The following FDXACB1 variants were observed in gnomAD, a reference collection of about 807,000 sequenced individuals.
FDXACB1 encodes ferredoxin-fold anticodon-binding domain-containing protein 1.
In FDXACB1, 41 loss-of-function variants were observed where a neutral mutation model predicts 51.7. That is an observed-to-expected ratio of 0.79 (90% CI 0.62 to 1.03). The LOEUF is 1.03. FDXACB1 is among the 50% of genes least tolerant of loss of function. FDXACB1 has a pLI of 0.00. For synonymous variants in FDXACB1, 273 were observed against 278.6 expected (o/e 0.98, Z 0.20); for missense variants, 697 against 746.4 (o/e 0.93, Z 0.77).
chr11:111,879,124 A>G lies in FDXACB1; in HGVS notation c.9T>C (p.Pro3=). The G allele has an allele frequency of 6.2e-7, 1 of 1,610,116 alleles. No individual in the cohort carries two copies. Among genetic ancestry groups the G allele is most frequent in the East Asian group, 2.2e-5 (1 of 44,668 alleles). MA[P]RRLLLVGEGN... ...CCTCCCCAACCAACAGGAGGCGCCG[A>G]GGGGCCATGGCCTCCACGGACTCCC... The change falls in exon 1 of 5, where the codon CCT becomes CCC. Residue 3 remains proline (P), a synonymous_variant. Transcript: ENST00000260257.
intron 2 of FDXACB1, among the ~76,000 whole-genome samples, chr11:111,877,674 G>A (rs774379134): frequency 6.6e-6 from 1 of 151,478 alleles, no homozygotes; most frequent in African/African-American, 2.4e-5. Flanking sequence ...GTGCCAGCAC[G>A]GCCAGCTAAT....
Position 111,874,705 on chromosome 11 carries a change from A to C in FDXACB1, c.*217T>G, listed in dbSNP as rs917979681. On this transcript the variant is annotated 3_prime_UTR_variant, in exon 5 of 5. Transcript: ENST00000260257. ...GGGAGGTGGAGCTTATAGTGAGCTG[A>C]TATCATGCCACTGCCACTGCACTCC... 5.7e-6 allele frequency: 3 copies of C among 530,238 alleles called. No individual in the cohort carries two copies. The highest frequency in any genetic ancestry group is 6.6e-5 in the East Asian group (2 of 30,246). 32.8% of individuals were successfully genotyped at this position (530,238 alleles called of 1,614,324 possible). A position where few individuals can be genotyped will look rare whatever the true frequency, so the allele number is the denominator to read the frequency against.
intron 3 of FDXACB1, 82 bp downstream of exon 3, chr11:111,876,726 T>C: frequency 1.3e-6 from 2 of 1,584,878 alleles, no homozygotes; most frequent in East Asian, 2.2e-5. Context: ...TGGCAGGGCC[T>C]ATTGAGTCTG....
intron 4 of FDXACB1, 21 bp downstream of exon 4, chr11:111,876,460 T>C: frequency 6.2e-7 from 1 of 1,608,594 alleles, no homozygotes; most frequent in Non-Finnish European, 8.5e-7. Flanking sequence ...GGAAGTGATT[T>C]CCAGCAAAAT....
Position 111,878,576 on chromosome 11 carries a change from C to A in FDXACB1, c.309G>T (p.Leu103=). 6.3e-7 allele frequency: 1 copy of A among 1,595,838 alleles called. No homozygotes were observed. The highest frequency in any genetic ancestry group is 8.5e-7 in the Non-Finnish European group (1 of 1,170,940). The change falls in exon 2 of 5, where the codon CTG becomes CTT. Residue 103 remains leucine, a synonymous_variant. Coordinates refer to ENST00000260257, the MANE Select transcript of FDXACB1 (RefSeq NM_138378.3). ...CTCACCTTTGGAAAAATTTGGCAAG[C>A]AGTTCCCTGTTCTTAGCTACGCCAG... ...RKAGVAKNRE[L]LAKFFQSCAD... is the part of the protein sequence containing the mutation.
chr11:111,878,424 G>T lies in FDXACB1; in HGVS notation c.329+132C>A, dbSNP rs953891186. 4.8e-5 allele frequency: 44 copies of T among 924,968 alleles called. No individual in the cohort carries two copies. In the African/African-American group the frequency reaches 6.4e-4, roughly 13 times the overall value. The allele number at this position is 924,968 out of a possible 1,614,324, so 57.3% of individuals were successfully genotyped here. ...ATATCTGTCTTTCCAACTAAACTTGGGGTTCCTTTGGGGCTTTATAGTCTC... is the reference window on the plus strand; with the variant it reads ...ATATCTGTCTTTCCAACTAAACTTGTGGTTCCTTTGGGGCTTTATAGTCTC... On this transcript the variant is annotated intron_variant, in intron 2 of 4. Coordinates refer to ENST00000260257, the MANE Select transcript of FDXACB1 (RefSeq NM_138378.3).
chr11:111,875,788 C>T lies in FDXACB1; in HGVS notation c.1009G>A (p.Glu337Lys), dbSNP rs1555162040. The T allele has an allele frequency of 2.5e-6, 4 of 1,613,618 alleles. No individual in the cohort carries two copies. Among genetic ancestry groups the T allele is most frequent in the African/African-American group, 1.3e-5 (1 of 74,868 alleles). The change falls in exon 5 of 5, where the codon GAA becomes AAA. Residue 337 changes from glutamate to lysine, a missense_variant. By Grantham distance (56) the Glu-to-Lys change is moderately conservative. Around this residue, in one of 3 missense-constraint regions of FDXACB1, gnomAD observed 538 missense variants for 592.2 expected, o/e 0.91. Transcript: ENST00000260257. ...ATCTTGGCCTGGCCACAGGTTCCTTCACAAGCTTCTTCTTTACCATCTCTT... is the reference window on the plus strand; with the variant it reads ...ATCTTGGCCTGGCCACAGGTTCCTTTACAAGCTTCTTCTTTACCATCTCTT... ...PGRDGKEEAC[E>K]GTCGQAKICL...
chr11:111,878,779 A>T (rs1964879009), intron 1 of FDXACB1, 67 bp from the exon 2 acceptor site: 1 of 1,538,242 alleles, frequency 6.5e-7, no homozygotes, highest in Non-Finnish European at 8.8e-7. Context: ...GAACAGAAAA[A>T]CTCTTCCTAA....
Position 111,876,119 on chromosome 11 carries a change from AC to A in FDXACB1, c.693-16del. 1 of 1,557,122 alleles carries A rather than the reference AC, an allele frequency of 6.4e-7. No homozygotes were observed. Among genetic ancestry groups the A allele is most frequent in the East Asian group, 2.3e-5 (1 of 44,350 alleles). ...CCAGGAAACCCCTGTTTAAACACAC[AC>A]AAAAATAACTTTTCTAACTTAAGAT... On this transcript the variant is annotated splice_polypyrimidine_tract_variant and intron_variant, in intron 4 of 4. Coordinates refer to ENST00000260257, the MANE Select transcript of FDXACB1 (RefSeq NM_138378.3).
Position 111,876,917 on chromosome 11 carries a change from G to A in FDXACB1, c.424C>T (p.His142Tyr), listed in dbSNP as rs1555162255. Residue 142 changes from histidine (H) to tyrosine (Y), a missense_variant, in exon 3 of 5, where the codon CAC (histidine) becomes TAC (tyrosine). Transcript: ENST00000260257. ...ATGGCAACCACTTGCCAACTGTTGTGCCATTCTCTCTGGGGCTTATCCGCA... is the reference window on the plus strand; with the variant it reads ...ATGGCAACCACTTGCCAACTGTTGTACCATTCTCTCTGGGGCTTATCCGCA... ...TPADKPQREW[H>Y]NSWQVVAMAA... The A allele has an allele frequency of 6.2e-7, 1 of 1,612,572 alleles. No homozygotes were observed. Among genetic ancestry groups the A allele is most frequent in the Non-Finnish European group, 8.5e-7 (1 of 1,179,246 alleles).
rs1555162032 is a variant in FDXACB1, at chr11:111,875,738, C to G, written c.1059G>C (p.Val353=). ...GTACTTCGATGACATCCTGAACATGCACTAGGAGAGAAGGTCTAAGGCAGA... is the reference window on the plus strand; with the variant it reads ...GTACTTCGATGACATCCTGAACATGGACTAGGAGAGAAGGTCTAAGGCAGA... ...AKICLRPSLL[V]HVQDVIEVPD... Residue 353 remains valine, a synonymous_variant, in exon 5 of 5, where the codon GTG becomes GTC. Coordinates refer to ENST00000260257, the MANE Select transcript of FDXACB1 (RefSeq NM_138378.3). 3 of 1,613,598 alleles carry G rather than the reference C, an allele frequency of 1.9e-6. No homozygotes were observed.
Position 111,876,539 on chromosome 11 carries a change from G to A in FDXACB1, c.634C>T (p.Leu212=). The part of the protein sequence containing the change: ...GSQPRIFRIK[L]GNQWFSFPEP... ...GGAAAGGAAAACCACTGGTTACCCA[G>A]TTTGATCCTGAAGATTCTGGGTTGA... The change falls in exon 4 of 5, where the codon CTG becomes TTG. Residue 212 remains leucine (L), a synonymous_variant. Coordinates refer to ENST00000260257, the MANE Select transcript of FDXACB1 (RefSeq NM_138378.3). 6.2e-7 allele frequency: 1 copy of A among 1,614,024 alleles called. No individual in the cohort carries two copies. Among genetic ancestry groups the A allele is most frequent in the South Asian group, 1.1e-5 (1 of 91,086 alleles).
At position 111,875,678 on chromosome 11, in the gene FDXACB1, A is replaced by G; in HGVS notation, c.1119T>C (p.Ser373=). ...TGTGGCACTTCTGAAAGACAGGTCC[A>G]CTGAGGATGTGCAGAGAACCTGAGA... ...DFLSGSLHIL[S]GPVFQKCHIL... The change falls in exon 5 of 5, where the codon AGT becomes AGC. Residue 373 remains serine, a synonymous_variant. Coordinates refer to ENST00000260257, the MANE Select transcript of FDXACB1 (RefSeq NM_138378.3). 1 of 1,613,650 alleles carries G rather than the reference A, an allele frequency of 6.2e-7. No homozygotes were observed.
Position 111,875,112 on chromosome 11 carries a change from A to G in FDXACB1, c.1685T>C (p.Val562Ala). The change falls in exon 5 of 5, where the codon GTG becomes GCG. Residue 562 changes from valine to alanine, a missense_variant. Val to Ala is a moderately conservative substitution (Grantham distance 64). Coordinates refer to ENST00000260257, the MANE Select transcript of FDXACB1 (RefSeq NM_138378.3). ...TATGGATATAATAGTGTCCTGAGAC[A>G]CTGCTCGGGCCACAGTGTGAAACTC... ...ELEFHTVARAVSQDTIISIQF... is the reference protein window; with the variant it reads ...ELEFHTVARAASQDTIISIQF... 6.2e-7 allele frequency: 1 copy of G among 1,613,926 alleles called. No homozygotes were observed. The highest frequency in any genetic ancestry group is 8.5e-7 in the Non-Finnish European group (1 of 1,179,896).
Position 111,874,999 on chromosome 11 carries a change from T to C in FDXACB1, c.1798A>G (p.Thr600Ala). 1 of 1,613,894 alleles carries C rather than the reference T, an allele frequency of 6.2e-7. No homozygotes were observed. The highest frequency in any genetic ancestry group is 1.1e-5 in the South Asian group (1 of 91,078). ...TGCATTGATGCTACTTGCTGCTGGG[T>C]GAGGGCCTTGTCACAGGTCTGGTAG... ...LTYQTCDKAL[T>A]QQQVASMQSQ... The change falls in exon 5 of 5, where the codon ACC becomes GCC. Residue 600 changes from threonine (T) to alanine (A), a missense_variant. Thr to Ala is a moderately conservative substitution (Grantham distance 58, BLOSUM62 0). Around this residue, in one of 3 missense-constraint regions of FDXACB1, gnomAD observed 538 missense variants for 592.2 expected, o/e 0.91. Transcript: ENST00000260257.
Position 111,875,601 on chromosome 11 carries a change from A to G in FDXACB1, c.1196T>C (p.Val399Ala). The stretch of plus-strand genomic sequence containing the variant: ...ACAGCCATCCTTCAGATTTTGATTA[A>G]CCCCAAGGATAAATAAAGTTTCATG... ...AFHETLFILG[V>A]NQNLKDGCLQ... is the part of the protein sequence containing the mutation. The change falls in exon 5 of 5, where the codon GTT becomes GCT. Residue 399 changes from valine to alanine, a missense_variant. Transcript: ENST00000260257. 1 of 1,612,502 alleles carries G rather than the reference A, an allele frequency of 6.2e-7. No individual in the cohort carries two copies. The highest frequency in any genetic ancestry group is 8.5e-7 in the Non-Finnish European group (1 of 1,179,700).
At position 111,879,116 on chromosome 11, in the gene FDXACB1, A is replaced by G; in HGVS notation, c.17T>C (p.Leu6Pro). The G allele has an allele frequency of 1.9e-6, 3 of 1,611,222 alleles. No homozygotes were observed. The highest frequency in any genetic ancestry group is 2.5e-6 in the Non-Finnish European group (3 of 1,178,652). The stretch of plus-strand genomic sequence containing the variant: ...GAAATTCCCCTCCCCAACCAACAGG[A>G]GGCGCCGAGGGGCCATGGCCTCCAC... MAPRRLLLVGEGNFSF... is the reference protein window; with the variant it reads MAPRRPLLVGEGNFSF... Residue 6 changes from leucine to proline, a missense_variant, in exon 1 of 5, where the codon CTC becomes CCC. By Grantham distance (98) the Leu-to-Pro change is moderately conservative (BLOSUM62 -3). Coordinates refer to ENST00000260257, the MANE Select transcript of FDXACB1 (RefSeq NM_138378.3).
Position 111,875,356 on chromosome 11 carries a change from C to A in FDXACB1, c.1441G>T (p.Asp481Tyr). The A allele has an allele frequency of 6.2e-7, 1 of 1,613,708 alleles. No homozygotes were observed. The highest frequency in any genetic ancestry group is 8.5e-7 in the Non-Finnish European group (1 of 1,179,846). Residue 481 changes from aspartate (D) to tyrosine (Y), a missense_variant, in exon 5 of 5, where the codon GAC becomes TAC. Transcript: ENST00000260257. ...ITSATSVIHK[D>Y]QCFVFVSMNL... ...ATAGACACAAACACAAAACACTGGT[C>A]TTTATGTATAACACTAGTGGCAGAT...
chr11:111,876,731 A>T, intron 3 of FDXACB1, 77 bp downstream of exon 3: 1 of 1,589,060 alleles, frequency 6.3e-7, no homozygotes, highest in East Asian at 2.2e-5. Flanking sequence ...GGGCCTATTG[A>T]GTCTGTCTAT....
Sources: gnomAD v4.1 joint callset for allele counts (sites outside exome capture counted in the v4.1 genomes callset) on GRCh38, gnomAD v4.1.1 for gene constraint, gnomAD v4.1.1 regional missense constraint, MANE v1.5 for transcripts, NCBI Gene and HGNC (gene_info 2026-07-23, HGNC 2026-07-21) for gene names.